The following NCKAP5 variants were observed in gnomAD, a reference collection of about 807,000 sequenced individuals.
The protein encoded by NCKAP5 is NCK associated protein 5.
A neutral mutation model predicts 167.0 loss-of-function variants in NCKAP5; 92 were observed. That is an observed-to-expected ratio of 0.55 (90% CI 0.47 to 0.66). The LOEUF (loss-of-function observed/expected upper bound fraction) is 0.66. Among genes scored for constraint, NCKAP5 ranks in the 30% least tolerant of loss-of-function variants. NCKAP5 has a pLI of 0.00. For synonymous variants in NCKAP5, 891 were observed against 877.4 expected, an observed-to-expected ratio of 1.02 and a Z score of -0.27; for missense variants, 2,378 against 2,315.0, an observed-to-expected ratio of 1.03 and a Z score of -0.56.
At chr2:133,600,455 C>T in the NCKAP5 span, among the ~76,000 whole-genome samples, 2 of 152,156 alleles carry the variant, frequency 1.3e-5, no homozygotes, top group Non-Finnish European at 2.9e-5. Flanking sequence ...CTTTTTGTTC[C>T]AAGGCCAAAG....
At chr2:132,796,530 C>A in intron 12 of NCKAP5, 98 bp downstream of exon 12, 1 of 720,286 alleles carries the variant, frequency 1.4e-6, no homozygotes. Flanking sequence ...CCTGACAATG[C>A]TTCAAGGATG....
rs148692035 is a variant in NCKAP5 at position 132,879,928 on chromosome 2, T to C, written c.580-1012A>G. On this transcript the variant is annotated intron_variant, in intron 8 of 19. Transcript: ENST00000409261. ...TTTCAAACTTATATCAATGGATGAA[T>C]GGATTATGGTATGTATACACAATGA... 5.9e-4 allele frequency among the ~76,000 whole-genome samples: 90 copies of C among 152,324 alleles called. 1 individual carries two copies. The highest frequency in any genetic ancestry group is 2.1e-3 in the African/African-American group (88 of 41,572).
intron 19 of NCKAP5, among the ~76,000 whole-genome samples, chr2:132,689,585 C>A (rs551350541): frequency 6.6e-6 from 1 of 152,270 alleles, no homozygotes; most frequent in Non-Finnish European, 1.5e-5. Flanking sequence ...ATGGCTAATA[C>A]CTGGCACTTG....
At chr2:133,019,939 G>C (rs930777974) in intron 6 of NCKAP5, among the ~76,000 whole-genome samples, 1 of 152,230 alleles carries the variant, frequency 6.6e-6, no homozygotes, top group African/African-American at 2.4e-5. Flanking sequence ...CACTGGGGCA[G>C]CTGCCTGCCT....
chr2:133,511,533 G>C (rs1289108641), intron 3 of NCKAP5, among the ~76,000 whole-genome samples: 1 of 152,150 alleles, frequency 6.6e-6, no homozygotes, highest in Admixed American at 6.5e-5. Context: ...CTCTCAAGAG[G>C]GCACAGTCAA....
At chr2:133,570,769 G>C (rs772939136), upstream of NCKAP5, among the ~76,000 whole-genome samples, 3 of 152,218 alleles carry the variant, frequency 2.0e-5, no homozygotes, top group Non-Finnish European at 4.4e-5. Context: ...AGGGGCACAG[G>C]TGTGACCAGC....
chr2:133,345,816 G>T (rs1452394900), intron 3 of NCKAP5, among the ~76,000 whole-genome samples: 1 of 152,168 alleles, frequency 6.6e-6, no homozygotes, highest in Non-Finnish European at 1.5e-5. Context: ...GATAAAGGAA[G>T]TGCAGTTACT....
chr2:132,752,169 T>C (rs1048373616), intron 16 of NCKAP5, among the ~76,000 whole-genome samples: 10 of 152,214 alleles, frequency 6.6e-5, no homozygotes, highest in Non-Finnish European at 1.3e-4. Flanking sequence ...TAGGTACCCA[T>C]AACTGCATAC....
At chr2:133,227,654 A>G (rs181087733) in intron 4 of NCKAP5, among the ~76,000 whole-genome samples, 4 of 152,352 alleles carry the variant, frequency 2.6e-5, no homozygotes, top group Admixed American at 2.6e-4. Context: ...GCATTTGGTA[A>G]GAGTAATTTG....
chr2:133,157,313 A>T (rs1192594657), intron 5 of NCKAP5, among the ~76,000 whole-genome samples: 1 of 152,196 alleles, frequency 6.6e-6, no homozygotes, highest in African/African-American at 2.4e-5. Flanking sequence ...CATTTGCTAC[A>T]TTCTTCTTCA....
At chr2:133,300,244 T>C (rs1680286342) in intron 4 of NCKAP5, among the ~76,000 whole-genome samples, 2 of 128,316 alleles carry the variant, frequency 1.6e-5, no homozygotes, top group African/African-American at 3.4e-5. Context: ...TTCCAATCAA[T>C]AGAAAAAGAG....
At chr2:132,921,110 T>G (rs1236992209) in intron 8 of NCKAP5, among the ~76,000 whole-genome samples, 1 of 151,932 alleles carries the variant, frequency 6.6e-6, no homozygotes, top group African/African-American at 2.4e-5. Flanking sequence ...AAACCCTTCC[T>G]TGGTTTTTCT....
At chr2:132,800,032 G>A (rs1684905807) in intron 11 of NCKAP5, among the ~76,000 whole-genome samples, 1 of 152,076 alleles carries the variant, frequency 6.6e-6, no homozygotes, top group South Asian at 2.1e-4. Context: ...TTTATAATAG[G>A]CTCATATTTT....
chr2:132,854,285 A>G (rs6760236), intron 11 of NCKAP5, among the ~76,000 whole-genome samples: 5,960 of 152,278 alleles, frequency 0.039, 291 homozygotes, highest in East Asian at 0.13. Context: ...GTCTTGTTCA[A>G]AGAAAAAAAA....
the NCKAP5 span, among the ~76,000 whole-genome samples, chr2:133,623,607 C>T: frequency 4.2e-4 from 63 of 151,718 alleles, no homozygotes; most frequent in African/African-American, 1.5e-3. Flanking sequence ...GCAATACCAT[C>T]TCACTCCTGC....
At chr2:133,641,153 T>A in the NCKAP5 span, among the ~76,000 whole-genome samples, 8 of 152,208 alleles carry the variant, frequency 5.3e-5, no homozygotes, top group African/African-American at 1.9e-4. Context: ...CATATGGACG[T>A]CAGAAATTTG....
chr2:133,605,171 G>A, the NCKAP5 span, among the ~76,000 whole-genome samples: 1 of 152,120 alleles, frequency 6.6e-6, no homozygotes, highest in Non-Finnish European at 1.5e-5. Context: ...AAATAAGCTG[G>A]ACTTGTGATC....
intron 4 of NCKAP5, among the ~76,000 whole-genome samples, chr2:133,241,594 C>T (rs1003209525): frequency 3.9e-5 from 6 of 152,166 alleles, no homozygotes; most frequent in Admixed American, 3.9e-4. Context: ...TCTATGGTAA[C>T]CTTCCTCCTT....
At chr2:133,008,354 T>C (rs1460430609) in intron 6 of NCKAP5, among the ~76,000 whole-genome samples, 1 of 152,170 alleles carries the variant, frequency 6.6e-6, no homozygotes, top group Admixed American at 6.5e-5. Context: ...TTCCCTCTGG[T>C]CCGGAAATCT....
Sources: gnomAD v4.1 joint callset for allele counts (sites outside exome capture counted in the v4.1 genomes callset) on GRCh38, gnomAD v4.1.1 for gene constraint, MANE v1.5 for transcripts, NCBI Gene and HGNC (gene_info 2026-07-23, HGNC 2026-07-21) for gene names.